The following SEC23B variants were observed in gnomAD, a reference collection of about 807,000 sequenced individuals.
The protein encoded by SEC23B is protein transport protein Sec23B.
SEC23B carries 77 observed loss-of-function variants against 104.3 expected under a neutral mutation model. The ratio of observed to expected loss-of-function variants is 0.74; its 90% CI spans 0.61 to 0.89. The LOEUF (loss-of-function observed/expected upper bound fraction) is 0.89, where lower values mean the gene tolerates loss of function less well. SEC23B is among the 40% of genes least tolerant of loss of function. SEC23B has a pLI of 0.00. For missense variants in SEC23B, 885 were observed against 949.4 expected (o/e 0.93, Z 0.89); for synonymous variants, 338 against 332.5 (o/e 1.02, Z -0.18).
intron 19 of SEC23B, among the ~76,000 whole-genome samples, chr20:18,556,174 C>T (rs2060436189): frequency 6.6e-6 from 1 of 152,144 alleles, no homozygotes. Context: ...ACAAATGAAG[C>T]TTCACTTACT....
chr20:18,540,380 T>C (rs2148914104), intron 12 of SEC23B, among the ~76,000 whole-genome samples: 1 of 151,954 alleles, frequency 6.6e-6, no homozygotes, highest in East Asian at 1.9e-4. Flanking sequence ...GAAAGGAGTC[T>C]TTTTTTTCCT....
chr20:18,542,769 G>A (rs2060299693), intron 13 of SEC23B, among the ~76,000 whole-genome samples: 1 of 152,034 alleles, frequency 6.6e-6, no homozygotes, highest in Non-Finnish European at 1.5e-5. Flanking sequence ...CAGGTAGCTG[G>A]GACCACAGGC....
chr20:18,511,003 T>C lies in SEC23B; in HGVS notation c.168T>C (p.Tyr56=), dbSNP rs1203685408. Residue 56 remains tyrosine (Y), a synonymous_variant, in exon 2 of 20, where the codon TAT becomes TAC. Coordinates refer to ENST00000650089, the MANE Select transcript of SEC23B (RefSeq NM_006363.6). ...KERPDLPPVQ[Y]EPVLCSRPTC... ...GTCCAGACCTACCTCCTGTACAATATGAACCTGTGCTTTGCAGCAGGCCAA... is the reference window on the plus strand; with the variant it reads ...GTCCAGACCTACCTCCTGTACAATACGAACCTGTGCTTTGCAGCAGGCCAA... The C allele has an allele frequency of 6.2e-7, 1 of 1,614,230 alleles. No homozygotes were observed.
chr20:18,526,270 C>A, intron 7 of SEC23B, 103 bp from the exon 8 acceptor site: 3 of 1,313,820 alleles, frequency 2.3e-6, no homozygotes, highest in Admixed American at 1.8e-5. Context: ...CTTTTTAGGA[C>A]AGCTGGAGAG....
intron 9 of SEC23B, among the ~76,000 whole-genome samples, chr20:18,527,949 A>G (rs933561956): frequency 1.3e-5 from 2 of 152,232 alleles, no homozygotes; most frequent in African/African-American, 4.8e-5. Flanking sequence ...TGGGGAAAAC[A>G]GGGTCTGAAT....
intron 4 of SEC23B, among the ~76,000 whole-genome samples, chr20:18,517,733 G>A (rs2060042663): frequency 6.6e-6 from 1 of 152,164 alleles, no homozygotes; most frequent in Admixed American, 6.5e-5. Flanking sequence ...AAAGATTTTG[G>A]CGTAAGGGGT....
chr20:18,537,666 G>A (rs999479812), intron 12 of SEC23B, among the ~76,000 whole-genome samples: 11 of 151,990 alleles, frequency 7.2e-5, no homozygotes, highest in East Asian at 3.8e-4. Flanking sequence ...CAGCACACCA[G>A]CATGGCACAT....
At chr20:18,558,742 G>A (rs745461124) in intron 19 of SEC23B, among the ~76,000 whole-genome samples, 8 of 152,052 alleles carry the variant, frequency 5.3e-5, no homozygotes, top group South Asian at 4.1e-4. Flanking sequence ...TTGGTTCTCC[G>A]TGACTTCCAC....
intron 10 of SEC23B, among the ~76,000 whole-genome samples, chr20:18,531,155 G>A (rs2148904320): frequency 6.6e-6 from 1 of 152,314 alleles, no homozygotes; most frequent in South Asian, 2.1e-4. Flanking sequence ...CAAGCTGCCT[G>A]GTTCACCCTC....
intron 16 of SEC23B, among the ~76,000 whole-genome samples, chr20:18,550,086 A>G (rs1320114191): frequency 6.7e-6 from 1 of 148,250 alleles, no homozygotes; most frequent in Non-Finnish European, 1.5e-5. Flanking sequence ...ATATATATGT[A>G]TATGATTATA....
intron 14 of SEC23B, 80 bp downstream of exon 14, chr20:18,543,252 T>A: frequency 6.4e-7 from 1 of 1,561,862 alleles, no homozygotes; most frequent in Non-Finnish European, 8.8e-7. Flanking sequence ...TTAATTATTA[T>A]TATATAGTGA....
intron 4 of SEC23B, among the ~76,000 whole-genome samples, chr20:18,518,804 G>T (rs983829183): frequency 2.0e-5 from 3 of 152,042 alleles, no homozygotes; most frequent in Admixed American, 1.3e-4. Flanking sequence ...GGTGGCCCTT[G>T]CAGTGTATGA....
chr20:18,532,637 C>T, intron 10 of SEC23B, 27 bp from the exon 11 acceptor site: 1 of 1,551,950 alleles, frequency 6.4e-7, no homozygotes. Flanking sequence ...TGATCTTTAA[C>T]TTTACACTGT....
At chr20:18,537,052 T>C (rs1383983426) in intron 12 of SEC23B, among the ~76,000 whole-genome samples, 1 of 152,152 alleles carries the variant, frequency 6.6e-6, no homozygotes, top group African/African-American at 2.4e-5. Flanking sequence ...CCTGTACAGT[T>C]CAAACCTGTG....
intron 7 of SEC23B, among the ~76,000 whole-genome samples, chr20:18,526,150 T>C (rs2060132112): frequency 6.6e-6 from 1 of 152,108 alleles, no homozygotes; most frequent in African/African-American, 2.4e-5. Context: ...ATTAGAGCAA[T>C]AGGGAGCACT....
At chr20:18,535,072 C>G (rs1207545770) in intron 11 of SEC23B, among the ~76,000 whole-genome samples, 1 of 152,180 alleles carries the variant, frequency 6.6e-6, no homozygotes, top group African/African-American at 2.4e-5. Flanking sequence ...TGCACCCTCT[C>G]CGCTCTCCAC....
chr20:18,535,673 G>C lies in SEC23B; in HGVS notation c.1335G>C (p.Thr445=). ...CCCAGGAGCTTGGTGTTGGTGGCACGAGTCAGTGGAAAATCTGTGGCCTAG... is the reference window on the plus strand; with the variant it reads ...CCCAGGAGCTTGGTGTTGGTGGCACCAGTCAGTGGAAAATCTGTGGCCTAG... ...VSENELGVGG[T]SQWKICGLDP... Residue 445 remains threonine, a synonymous_variant, in exon 12 of 20, where the codon ACG becomes ACC. Coordinates refer to ENST00000650089, the MANE Select transcript of SEC23B (RefSeq NM_006363.6). The C allele has an allele frequency of 1.2e-6, 2 of 1,614,056 alleles. No homozygotes were observed. Among genetic ancestry groups the C allele is most frequent in the Non-Finnish European group, 1.7e-6 (2 of 1,179,960 alleles).
intron 4 of SEC23B, among the ~76,000 whole-genome samples, chr20:18,524,101 T>C (rs2060111051): frequency 1.3e-5 from 2 of 152,190 alleles, no homozygotes; most frequent in African/African-American, 4.8e-5. Context: ...CAGTCCCCCT[T>C]AACCTCTCCA....
intron 15 of SEC23B, 72 bp from the exon 16 acceptor site, chr20:18,548,537 T>A (rs1188322396): frequency 4.5e-5 from 66 of 1,464,718 alleles, no homozygotes; most frequent in South Asian, 2.2e-4. Context: ...AGCCCTGAGG[T>A]AGATCTACTC....
Sources: gnomAD v4.1 joint callset for allele counts (sites outside exome capture counted in the v4.1 genomes callset) on GRCh38, gnomAD v4.1.1 for gene constraint, MANE v1.5 for transcripts, NCBI Gene and HGNC (gene_info 2026-07-23, HGNC 2026-07-21) for gene names.